Variants in ME2 observed in about 807,000 individuals in gnomAD.
ME2 encodes the protein malic enzyme 2.
A neutral mutation model predicts 73.7 loss-of-function variants in ME2; 60 were observed. The observed-to-expected ratio is 0.81, with a 90% CI of 0.66 to 1.01. The LOEUF is 1.01. Among genes scored for constraint, ME2 ranks in the 50% least tolerant of loss-of-function variants. ME2 has a pLI of 0.00. For missense variants in ME2, 594 were observed against 705.5 expected (o/e 0.84, Z 1.79); for synonymous variants, 199 against 236.9 (o/e 0.84, Z 1.47).
intron 1 of ME2, among the ~76,000 whole-genome samples, chr18:50,889,041 A>G (rs1393772329): frequency 6.6e-6 from 1 of 152,120 alleles, no homozygotes; most frequent in East Asian, 1.9e-4. Flanking sequence ...TCTTTTAGCT[A>G]TTTTTAAATG....
intron 10 of ME2, among the ~76,000 whole-genome samples, chr18:50,921,458 C>A (rs901059332): frequency 6.6e-5 from 10 of 152,106 alleles, no homozygotes; most frequent in Non-Finnish European, 1.2e-4. Flanking sequence ...GGCCATTGTA[C>A]AAGTATGATC....
At chr18:50,927,193 A>G (rs1917572622) in intron 12 of ME2, among the ~76,000 whole-genome samples, 1 of 152,044 alleles carries the variant, frequency 6.6e-6, no homozygotes, top group African/African-American at 2.4e-5. Context: ...ATTACTTTCT[A>G]TATTGTTGTG....
In ME2 at chr18:50,947,105, G is replaced by A. The variant is rs758150400; in HGVS notation, c.1676G>A (p.Arg559Gln). ...AAATATGTTAAAGAAAGAACATGGC[G>A]GAGTGAATATGATTCCCTGCTGCCA... ...KAKYVKERTWRSEYDSLLPDV... is the reference protein window; with the variant it reads ...KAKYVKERTWQSEYDSLLPDV... Residue 559 changes from arginine (R) to glutamine (Q), a missense_variant, in exon 16 of 16, where the codon CGG (arginine) becomes CAG (glutamine). Transcript: ENST00000321341. The A allele has an allele frequency of 2.2e-5, 36 of 1,613,864 alleles. No individual in the cohort carries two copies. The highest frequency in any genetic ancestry group is 1.7e-4 in the Middle Eastern group (1 of 6,054).
chr18:50,896,437 G>C (rs1916747731), intron 2 of ME2, among the ~76,000 whole-genome samples: 1 of 152,192 alleles, frequency 6.6e-6, no homozygotes, highest in Admixed American at 6.5e-5. Flanking sequence ...CTTCAAAATA[G>C]AGAGACTCCT....
intron 12 of ME2, among the ~76,000 whole-genome samples, chr18:50,930,389 T>TTAAA (rs1173433271): frequency 4.9e-4 from 75 of 152,308 alleles, no homozygotes; most frequent in African/African-American, 1.8e-3. Flanking sequence ...TCCCATTTTG[T>TTAAA]TTTCACCAGG....
At chr18:50,920,343 A>T in intron 7 of ME2, 113 bp from the exon 8 acceptor site, 1 of 709,492 alleles carries the variant, frequency 1.4e-6, no homozygotes, top group Non-Finnish European at 2.3e-6. Flanking sequence ...AGATGGCCTT[A>T]ATTGAACTAA....
intron 1 of ME2, among the ~76,000 whole-genome samples, chr18:50,893,233 C>A (rs1916651822): frequency 6.7e-6 from 1 of 149,354 alleles, no homozygotes; most frequent in African/African-American, 2.5e-5. Context: ...AGTGTATATG[C>A]AAAATTGTAA....
intron 1 of ME2, among the ~76,000 whole-genome samples, chr18:50,888,719 C>CTAAT (rs1421970145): frequency 3.3e-5 from 5 of 152,100 alleles, no homozygotes; most frequent in Non-Finnish European, 7.4e-5. Context: ...GATACATACT[C>CTAAT]TAATGCTTTA....
intron 1 of ME2, among the ~76,000 whole-genome samples, chr18:50,891,458 T>G (rs2144189281): frequency 6.6e-6 from 1 of 152,328 alleles, no homozygotes; most frequent in East Asian, 1.9e-4. Context: ...CATAGGTCTC[T>G]GAAAAGATGA....
chr18:50,888,664 C>A (rs532672761), intron 1 of ME2, among the ~76,000 whole-genome samples: 1 of 152,008 alleles, frequency 6.6e-6, no homozygotes, highest in Non-Finnish European at 1.5e-5. Flanking sequence ...GTGTGTACAT[C>A]TAATTAGAAT....
At chr18:50,924,705 T>TTTTTG (rs1204833899) in intron 11 of ME2, among the ~76,000 whole-genome samples, 6 of 149,176 alleles carry the variant, frequency 4.0e-5, no homozygotes, top group Non-Finnish European at 8.9e-5. Context: ...TGTTTTTTGT[T>TTTTTG]TTTTTTTTTG....
At chr18:50,923,050 G>A (rs1851009316) in intron 10 of ME2, among the ~76,000 whole-genome samples, 1 of 152,066 alleles carries the variant, frequency 6.6e-6, no homozygotes, top group Non-Finnish European at 1.5e-5. Context: ...GTCTGTCAGT[G>A]GTATCTCTTC....
intron 2 of ME2, among the ~76,000 whole-genome samples, chr18:50,902,043 A>G (rs191105602): frequency 1.3e-5 from 2 of 152,332 alleles, no homozygotes; most frequent in South Asian, 2.1e-4. Context: ...GCCAAATTCA[A>G]ATATCCTAAT....
intron 2 of ME2, among the ~76,000 whole-genome samples, chr18:50,897,284 T>C (rs1355966682): frequency 1.3e-5 from 2 of 152,268 alleles, no homozygotes; most frequent in Non-Finnish European, 2.9e-5. Context: ...GATAAATATA[T>C]TGGTTTTATA....
intron 1 of ME2, among the ~76,000 whole-genome samples, chr18:50,894,875 TCA>T (rs1916697710): frequency 7.2e-6 from 1 of 138,084 alleles, no homozygotes. Context: ...AGACTCCATC[TCA>T]AAAAAAAAAA....
chr18:50,881,573 A>G (rs1916326220), intron 1 of ME2, among the ~76,000 whole-genome samples: 1 of 152,248 alleles, frequency 6.6e-6, no homozygotes, highest in Non-Finnish European at 1.5e-5. Context: ...TTCTGTATAT[A>G]CTTGTTTAGG....
chr18:50,890,432 A>G (rs1916580480), intron 1 of ME2, among the ~76,000 whole-genome samples: 1 of 152,220 alleles, frequency 6.6e-6, no homozygotes, highest in Admixed American at 6.5e-5. Context: ...TTATTATTAA[A>G]GTGAATTTTA....
At chr18:50,942,333 C>T (rs1917983614) in intron 15 of ME2, among the ~76,000 whole-genome samples, 1 of 152,126 alleles carries the variant, frequency 6.6e-6, no homozygotes, top group Admixed American at 6.5e-5. Context: ...TACTATCTGA[C>T]ACTGTTTTAA....
At position 50,879,996 on chromosome 18, in the gene ME2, A is replaced by T. The variant is rs189048387; in HGVS notation, c.-13+688A>T. On this transcript the variant is annotated intron_variant, in intron 1 of 15. Transcript: ENST00000321341. ...TTGCTTGTGGTGAGAAGCGTGATCA[A>T]ATTAACACGTGCTTTCTTACAAAAC... Among the ~76,000 whole-genome samples the T allele has an allele frequency of 4.7e-4, 72 of 152,292 alleles. 1 individual carries two copies. The highest frequency in any genetic ancestry group is 2.9e-3 in the Admixed American group (44 of 15,296).
Sources: gnomAD v4.1 joint callset for allele counts (sites outside exome capture counted in the v4.1 genomes callset) on GRCh38, gnomAD v4.1.1 for gene constraint, MANE v1.5 for transcripts, NCBI Gene and HGNC (gene_info 2026-07-23, HGNC 2026-07-21) for gene names.